OFD1: variants seen among roughly 807,000 people sequenced by gnomAD.
The protein encoded by OFD1 is OFD1 centriole and centriolar satellite protein, also known as centriole and centriolar satellite protein OFD1.
In OFD1, 12 loss-of-function variants were observed where a neutral mutation model predicts 81.4. That is an observed-to-expected ratio of 0.15 (90% CI 0.09 to 0.24). The LOEUF is 0.24. Ranked by LOEUF, OFD1 falls within the 10% of genes least tolerant of loss-of-function variation. The pLI is 1.00. For missense variants in OFD1, 685 were observed against 733.9 expected, an observed-to-expected ratio of 0.93 and a Z score of 0.77; for synonymous variants, 256 against 263.7, an observed-to-expected ratio of 0.97 and a Z score of 0.28.
chrX:13,716,912 A>G, the OFD1 span, among the ~76,000 whole-genome samples: 1 of 110,367 alleles, frequency 9.1e-6, no homozygotes, highest in East Asian at 2.8e-4. Flanking sequence ...AAATGTGTAT[A>G]TAGAGGATTT....
chrX:13,761,324 G>A (rs888283114), intron 17 of OFD1, 113 bp downstream of exon 17: 4 of 816,958 alleles, frequency 4.9e-6, no homozygotes, highest in Admixed American at 5.2e-5. Flanking sequence ...TATAGATCAT[G>A]TGGCAGTATA....
At chrX:13,764,926 A>G (rs1224676387) in intron 19 of OFD1, among the ~76,000 whole-genome samples, 1 of 111,346 alleles carries the variant, frequency 9.0e-6, no homozygotes, top group African/African-American at 3.3e-5. Context: ...GGACCGCAGC[A>G]GGGAGGGGCT....
Position 13,746,967 on chromosome X carries a change from A to G in OFD1, c.828+14A>G. On this transcript the variant is annotated intron_variant, in intron 8 of 22. Coordinates refer to ENST00000340096, the MANE Select transcript of OFD1 (RefSeq NM_003611.3). ...AAGCACCAAGAGGTGGTATTTACAA[A>G]TATTTTATGGGTGGCTATTTCCTGC... 2 of 1,199,254 alleles carry G rather than the reference A, an allele frequency of 1.7e-6. No homozygotes were observed. Among genetic ancestry groups the G allele is most frequent in the Non-Finnish European group, 2.3e-6 (2 of 884,226 alleles).
chrX:13,722,214 A>AAAAAAAAG, the OFD1 span: 37 of 51,225 alleles, frequency 7.2e-4, 2 homozygotes, highest in East Asian at 0.029. Context: ...GCAGCAAAAA[A>AAAAAAAAG]AAAAAAAAAA....
At chrX:13,742,655 C>T (rs1297909679) in intron 5 of OFD1, among the ~76,000 whole-genome samples, 1 of 111,176 alleles carries the variant, frequency 9.0e-6, no homozygotes, top group African/African-American at 3.3e-5. Context: ...TCCTGAGTAG[C>T]TGGAACTACA....
downstream of OFD1, chrX:13,773,129 G>GTTAA: frequency 1.4e-6 from 1 of 692,210 alleles, no homozygotes; most frequent in South Asian, 3.0e-5. Context: ...AGGGGCGAAG[G>GTTAA]TTAATTCTGT....
At position 13,763,065 on chromosome X, in the gene OFD1, C is replaced by T. The variant is rs760823652; in HGVS notation, c.2488+621C>T. 2.4e-3 allele frequency among the ~76,000 whole-genome samples: 267 copies of T among 112,657 alleles called. 4 individuals carry two copies. Among genetic ancestry groups the T allele is most frequent in the Non-Finnish European group, 3.2e-3 (170 of 53,334 alleles). On this transcript the variant is annotated intron_variant, in intron 18 of 22. Transcript: ENST00000340096. ...GATAACAGGCATGAGCCACTGCGCCCGGCCTAAGGATGTTATTTTTTAAAT... is the reference window on the plus strand; with the variant it reads ...GATAACAGGCATGAGCCACTGCGCCTGGCCTAAGGATGTTATTTTTTAAAT...
rs188524151 is a variant in OFD1, at chrX:13,765,814, G to C, written c.2600-1313G>C. Among the ~76,000 whole-genome samples, 637 of 112,036 alleles carry C rather than the reference G, an allele frequency of 5.7e-3. 4 individuals carry two copies. Among genetic ancestry groups the C allele is most frequent in the African/African-American group, 0.019 (601 of 30,848 alleles). On this transcript the variant is annotated intron_variant, in intron 19 of 22. Coordinates refer to ENST00000340096, the MANE Select transcript of OFD1 (RefSeq NM_003611.3). Reference sequence around the variant, plus strand: ...GGAACAGACAAGTAATTAAAGTATGGACCTTGCCTGGAAGGAATAGAAGTG... The same window carrying C: ...GGAACAGACAAGTAATTAAAGTATGCACCTTGCCTGGAAGGAATAGAAGTG...
rs193088921 is a variant in OFD1, at chrX:13,738,641, A to G, written c.313-205A>G. 288 of 381,381 alleles carry G rather than the reference A, an allele frequency of 7.6e-4. 2 individuals are homozygous for G. The highest frequency in any genetic ancestry group is 6.2e-3 in the African/African-American group (243 of 39,490). The allele number at this position is 381,381 out of a possible 1,213,427, so 31.4% of individuals were successfully genotyped here. On this transcript the variant is annotated intron_variant, in intron 3 of 22. Transcript: ENST00000340096. ...CTTAGAAGTTAATTAGATGATAAAG[A>G]TATTTTATCCTTTTGACCTTGATAT...
rs1366278766 is a variant in OFD1, at chrX:13,739,915, G to C, written c.412+883G>C. 4.0e-6 allele frequency: 3 copies of C among 752,500 alleles called. No homozygotes were observed. The African/African-American group carries it at 7.0e-5, about 17-fold the overall frequency. 62.0% of individuals were successfully genotyped at this position (752,500 alleles called of 1,213,427 possible). On this transcript the variant is annotated intron_variant, in intron 5 of 22. Coordinates refer to ENST00000340096, the MANE Select transcript of OFD1 (RefSeq NM_003611.3). ...GCTGGCAACTTGGCTTTGATGCATAGTTATTCTTTAGGTCTTTTAAAATAA... is the reference window on the plus strand; with the variant it reads ...GCTGGCAACTTGGCTTTGATGCATACTTATTCTTTAGGTCTTTTAAAATAA...
rs1321807601 is a variant in OFD1 at position 13,734,839 on chromosome X, C to A, written c.-233C>A. On this transcript the variant is annotated 5_prime_UTR_variant, in exon 1 of 23. Coordinates refer to ENST00000340096, the MANE Select transcript of OFD1 (RefSeq NM_003611.3). ...CGCCTTTGAGTCGTGCCTGGGTCCT[C>A]GCCCTTGCCTCAGAACCGCGAAGAA... is the stretch of plus-strand genomic sequence containing the variant. 9.2e-7 allele frequency: 1 copy of A among 1,082,640 alleles called. No individual in the cohort carries two copies. The highest frequency in any genetic ancestry group is 3.9e-5 in the Admixed American group (1 of 25,947). 89.2% of individuals were successfully genotyped at this position (1,082,640 alleles called of 1,213,427 possible). A position where few individuals can be genotyped will look rare whatever the true frequency, so the allele number is the denominator to read the frequency against.
upstream of OFD1, chrX:13,734,551 C>T: frequency 7.6e-6 from 3 of 394,206 alleles, no homozygotes; most frequent in Non-Finnish European, 1.1e-5. Context: ...ACAACGGAAA[C>T]GCAATGTCAG....
At chrX:13,738,973 A>C (rs1209195680) in intron 4 of OFD1, 29 bp from the exon 5 acceptor site, 7 of 1,188,400 alleles carry the variant, frequency 5.9e-6, no homozygotes, top group Non-Finnish European at 8.0e-6. Flanking sequence ...TGAATAGCTG[A>C]ATAAAAGTGA....
downstream of OFD1, among the ~76,000 whole-genome samples, chrX:13,770,492 T>G (rs1425770753): frequency 8.9e-6 from 1 of 112,474 alleles, no homozygotes; most frequent in East Asian, 2.8e-4. Flanking sequence ...AAATCCTAAG[T>G]AACATATTTA....
chrX:13,753,138 T>G, intron 10 of OFD1: 1 of 1,023,842 alleles, frequency 9.8e-7, no homozygotes, highest in African/African-American at 1.9e-5. Flanking sequence ...ACGCTTCATT[T>G]TGTGTGATTG....
At chrX:13,747,211 C>A (rs987878662) in intron 8 of OFD1, among the ~76,000 whole-genome samples, 1 of 112,045 alleles carries the variant, frequency 8.9e-6, no homozygotes, top group Admixed American at 9.5e-5. Context: ...TAAATAAGCT[C>A]CATCTCCTCA....
intron 5 of OFD1, chrX:13,739,308 A>AC: frequency 3.0e-6 from 1 of 328,247 alleles, no homozygotes; most frequent in Non-Finnish European, 5.2e-6. Context: ...AAAAAAAAAA[A>AC]AAAAAACTAA....
intron 20 of OFD1, chrX:13,767,798 C>CT (rs2048188724): frequency 3.1e-6 from 1 of 322,886 alleles, no homozygotes; most frequent in South Asian, 3.8e-5. Flanking sequence ...TTGAATTACT[C>CT]TAACATATGA....
intron 5 of OFD1, chrX:13,740,222 T>A (rs1371208712): frequency 1.1e-6 from 1 of 881,956 alleles, no homozygotes; most frequent in Admixed American, 3.0e-5. Flanking sequence ...TGGTAAATGA[T>A]CCTATATTCT....
Sources: allele counts gnomAD v4.1 joint callset (sites outside exome capture counted in the v4.1 genomes callset), GRCh38; gene constraint gnomAD v4.1.1; transcripts MANE v1.5; gene names NCBI Gene and HGNC (gene_info 2026-07-23, HGNC 2026-07-21).